SLC24A4: variants seen among roughly 807,000 people sequenced by gnomAD.
SLC24A4 encodes sodium/potassium/calcium exchanger 4.
SLC24A4 carries 53 observed loss-of-function variants against 79.0 expected under a neutral mutation model. The observed-to-expected ratio is 0.67, with a 90% confidence interval of 0.54 to 0.84. SLC24A4 has a LOEUF of 0.84. Ranked by LOEUF, SLC24A4 falls within the 40% of genes least tolerant of loss-of-function variation. The pLI, the probability that SLC24A4 is intolerant of heterozygous loss-of-function variation, is 0.00. For missense variants in SLC24A4, 731 were observed against 822.0 expected, an observed-to-expected ratio of 0.89 and a Z score of 1.35; for synonymous variants, 323 against 323.8, an observed-to-expected ratio of 1.00 and a Z score of 0.03.
At position 92,441,264 on chromosome 14, in the gene SLC24A4, G is replaced by A. The variant is rs1013288012; in HGVS notation, c.394-825G>A. Among the ~76,000 whole-genome samples, 4 of 152,306 alleles carry A rather than the reference G, an allele frequency of 2.6e-5. No homozygotes were observed. In the East Asian group the frequency reaches 7.7e-4, roughly 29 times the overall value. ...TGGGCGCCTCCAGATTGGTTTTCAG[G>A]CAGACCCTCAGTCTCCACGGTTTCT... On this transcript the variant is annotated intron_variant, in intron 4 of 16. Transcript: ENST00000532405. This position sits in a 1 kb window ranked among gnomAD's most constrained non-coding sequence, Gnocchi z 4.6.
chr14:92,439,528 C>CTAAGTGCTCGGTGTGA, intron 4 of SLC24A4, 119 bp downstream of exon 4: 2 of 920,518 alleles, frequency 2.2e-6, no homozygotes, highest in Non-Finnish European at 3.5e-6. Context: ...GACTGTCACA[C>CTAAGTGCTCGGTGTGA]CGAGCACTTA....
At chr14:92,406,218 G>T (rs1243294615) in intron 2 of SLC24A4, among the ~76,000 whole-genome samples, 1 of 152,230 alleles carries the variant, frequency 6.6e-6, no homozygotes, top group African/African-American at 2.4e-5. Context: ...AATGCAAGGG[G>T]TGGGCTCCCA....
intron 2 of SLC24A4, among the ~76,000 whole-genome samples, chr14:92,400,570 G>A (rs1379488056): frequency 1.3e-5 from 2 of 152,100 alleles, no homozygotes; most frequent in East Asian, 1.9e-4. Flanking sequence ...TTTGGGGCAT[G>A]CAGGACTACG....
At chr14:92,379,475 C>T (rs980213027) in intron 2 of SLC24A4, among the ~76,000 whole-genome samples, 1 of 152,116 alleles carries the variant, frequency 6.6e-6, no homozygotes, top group Non-Finnish European at 1.5e-5. Flanking sequence ...CTGGAATAAT[C>T]TAGGAGGGGA....
At chr14:92,466,925 A>G (rs978689778) in intron 12 of SLC24A4, among the ~76,000 whole-genome samples, 2 of 152,232 alleles carry the variant, frequency 1.3e-5, no homozygotes, top group African/African-American at 4.8e-5. Flanking sequence ...ATACTCCCCA[A>G]TGCTCATATG....
At chr14:92,350,107 C>G (rs1886786726) in intron 2 of SLC24A4, among the ~76,000 whole-genome samples, 1 of 152,160 alleles carries the variant, frequency 6.6e-6, no homozygotes. Context: ...ATGTGTTGAG[C>G]CCTGTTGAAG....
chr14:92,411,511 A>G (rs11624865), intron 2 of SLC24A4, among the ~76,000 whole-genome samples: 46,710 of 152,058 alleles, frequency 0.31, 7,438 homozygotes, highest in African/African-American at 0.39. Context: ...TTACTGAAAC[A>G]CGTCTATAGT....
At chr14:92,360,302 C>T (rs942414666) in intron 2 of SLC24A4, among the ~76,000 whole-genome samples, 6 of 152,176 alleles carry the variant, frequency 3.9e-5, no homozygotes, top group Non-Finnish European at 5.9e-5. Flanking sequence ...AGTGCACCAT[C>T]GTAGCTCATT....
chr14:92,499,554 C>A lies in SLC24A4; in HGVS notation c.*5926C>A, dbSNP rs1047415835. The A allele has an allele frequency of 6.6e-6, 1 of 152,224 alleles. No individual in the cohort carries two copies. The highest frequency in any genetic ancestry group is 1.9e-4 in the East Asian group (1 of 5,186). The allele number at this position is 152,224 out of a possible 1,614,324, so 9.4% of individuals were successfully genotyped here. On this transcript the variant is annotated 3_prime_UTR_variant, in exon 17 of 17. Coordinates refer to ENST00000532405, the MANE Select transcript of SLC24A4 (RefSeq NM_153646.4). Reference sequence around the variant, plus strand: ...TTTTTCTTTTTGAGAAAGGGCCTCACTCTGTTGCCCAGGCTGGAGTGCAGT... The same window carrying A: ...TTTTTCTTTTTGAGAAAGGGCCTCAATCTGTTGCCCAGGCTGGAGTGCAGT...
chr14:92,361,343 G>T (rs1439310335), intron 2 of SLC24A4, among the ~76,000 whole-genome samples: 1 of 151,116 alleles, frequency 6.6e-6, no homozygotes, highest in African/African-American at 2.4e-5. Flanking sequence ...TGTTCTGGGG[G>T]TAGAGAAGCA....
At chr14:92,466,025 A>G (rs961138356) in intron 12 of SLC24A4, among the ~76,000 whole-genome samples, 1 of 152,062 alleles carries the variant, frequency 6.6e-6, no homozygotes, top group Admixed American at 6.6e-5. Context: ...TGCCCCTCTA[A>G]TGCCCTGAGG....
At chr14:92,384,330 T>C (rs1329068980) in intron 2 of SLC24A4, among the ~76,000 whole-genome samples, 1 of 152,138 alleles carries the variant, frequency 6.6e-6, no homozygotes, top group African/African-American at 2.4e-5. Context: ...GAGGGAGTGT[T>C]GCGCATTACA....
chr14:92,475,702 C>G (rs1292279483), intron 12 of SLC24A4, among the ~76,000 whole-genome samples: 1 of 152,006 alleles, frequency 6.6e-6, no homozygotes. Flanking sequence ...GAGACCAGCA[C>G]GAGCACCATG....
chr14:92,493,359 C>T (rs906294324), intron 16 of SLC24A4, 117 bp from the exon 17 acceptor site: 9 of 1,276,146 alleles, frequency 7.1e-6, no homozygotes, highest in South Asian at 1.4e-5. Flanking sequence ...CCCCGCTACA[C>T]TTGCCCACAT....
At chr14:92,396,339 C>T (rs1356357085) in intron 2 of SLC24A4, among the ~76,000 whole-genome samples, 1 of 152,210 alleles carries the variant, frequency 6.6e-6, no homozygotes, top group Non-Finnish European at 1.5e-5. Context: ...CCTGCCCCTA[C>T]TCCCTTCAAT....
intron 2 of SLC24A4, among the ~76,000 whole-genome samples, chr14:92,346,713 T>A (rs193252430): frequency 6.6e-6 from 1 of 152,318 alleles, no homozygotes; most frequent in East Asian, 1.9e-4. Flanking sequence ...CTTTGGCTGC[T>A]CATTAGGGTG....
intron 6 of SLC24A4, 44 bp downstream of exon 6, chr14:92,442,860 C>T (rs888693312): frequency 1.2e-5 from 18 of 1,476,360 alleles, no homozygotes; most frequent in African/African-American, 9.7e-5. Flanking sequence ...TGCCCTGAAG[C>T]GTGGGGGATG....
chr14:92,351,157 T>A (rs1218690744), intron 2 of SLC24A4, among the ~76,000 whole-genome samples: 1 of 151,970 alleles, frequency 6.6e-6, no homozygotes, highest in African/African-American at 2.4e-5. Flanking sequence ...TGGGTACAGA[T>A]TCCTAATTAG....
At chr14:92,323,021 GTCCA>G (rs1566682661), upstream of SLC24A4, among the ~76,000 whole-genome samples, 14 of 152,106 alleles carry the variant, frequency 9.2e-5, no homozygotes, top group African/African-American at 3.4e-4. The surrounding 1 kb of genome is among the most constrained non-coding windows in gnomAD (Gnocchi z 4.9). Context: ...GTCAGTAGAG[GTCCA>G]ACTACTGAAG....
Sources: allele counts gnomAD v4.1 joint callset (sites outside exome capture counted in the v4.1 genomes callset), GRCh38; gene constraint gnomAD v4.1.1; non-coding constraint Gnocchi (gnomAD v3.1); transcripts MANE v1.5; gene names NCBI Gene and HGNC (gene_info 2026-07-23, HGNC 2026-07-21).